EXT1: variants seen among roughly 807,000 people sequenced by gnomAD.
EXT1 encodes the protein exostosin glycosyltransferase 1.
In EXT1, 20 loss-of-function variants were observed where a neutral mutation model predicts 82.5. The observed-to-expected ratio is 0.24, with a 90% CI of 0.17 to 0.35. The LOEUF (loss-of-function observed/expected upper bound fraction) is 0.35, where lower values mean the gene tolerates loss of function less well. Ranked by LOEUF, EXT1 falls within the 10% of genes least tolerant of loss-of-function variation. The pLI, the probability that EXT1 is intolerant of heterozygous loss-of-function variation, is 1.00. For missense variants in EXT1, 757 were observed against 936.5 expected (o/e 0.81, Z 2.50); for synonymous variants, 348 against 350.8 (o/e 0.99, Z 0.09).
In EXT1 at chr8:117,837,216, G is replaced by C; in HGVS notation, c.963-15C>G. ...GATAATCATACCTAGAAAGAGAAGA[G>C]GAGTAAACAGCAAATGAAGACTCAT... On this transcript the variant is annotated splice_polypyrimidine_tract_variant and intron_variant, in intron 1 of 10. Transcript: ENST00000378204. 1 of 1,597,188 alleles carries C rather than the reference G, an allele frequency of 6.3e-7. No homozygotes were observed. The highest frequency in any genetic ancestry group is 8.6e-7 in the Non-Finnish European group (1 of 1,164,764).
chr8:117,943,512 C>T (rs1814327721), intron 1 of EXT1, among the ~76,000 whole-genome samples: 1 of 152,178 alleles, frequency 6.6e-6, no homozygotes. Flanking sequence ...AGAATGGAAA[C>T]TGCCTAGAGT....
intron 1 of EXT1, among the ~76,000 whole-genome samples, chr8:117,968,690 C>T (rs1445659941): frequency 3.9e-5 from 4 of 102,570 alleles, no homozygotes; most frequent in East Asian, 2.3e-4. Flanking sequence ...CTGCCTCAGC[C>T]TCCCGAGTAG....
intron 3 of EXT1, among the ~76,000 whole-genome samples, chr8:117,834,990 G>A (rs766909766): frequency 9.2e-5 from 14 of 152,138 alleles, no homozygotes; most frequent in East Asian, 7.7e-4. Context: ...GATAACACTC[G>A]CTCAGACACC....
In EXT1 at chr8:118,102,967, C is replaced by G. The variant is rs144496450; in HGVS notation, c.962+7118G>C. On this transcript the variant is annotated intron_variant, in intron 1 of 10. Coordinates refer to ENST00000378204, the MANE Select transcript of EXT1 (RefSeq NM_000127.3). ...GTCGGGAGTTCGAGACCAGCCTGAC[C>G]ACATGGAGAAACCCCGTCTCTACTA... Among the ~76,000 whole-genome samples, 559 of 152,120 alleles carry G rather than the reference C, an allele frequency of 3.7e-3. 2 individuals carry two copies. Among genetic ancestry groups the G allele is most frequent in the African/African-American group, 0.013 (535 of 41,514 alleles).
chr8:117,970,010 C>T (rs1184617083), intron 1 of EXT1, among the ~76,000 whole-genome samples: 7 of 152,128 alleles, frequency 4.6e-5, no homozygotes, highest in East Asian at 1.9e-4. Flanking sequence ...CACAAAAAAG[C>T]CATGAGAATT....
At chr8:117,928,788 A>G (rs1360416981) in intron 1 of EXT1, among the ~76,000 whole-genome samples, 1 of 152,072 alleles carries the variant, frequency 6.6e-6, no homozygotes, top group Non-Finnish European at 1.5e-5. Context: ...AGATGAAACC[A>G]CTACACTACA....
rs566975537 is a variant in EXT1, at chr8:118,105,160, G to C, written c.962+4925C>G. On this transcript the variant is annotated intron_variant, in intron 1 of 10. Transcript: ENST00000378204. ...CCAGGCCCTACCAAGCACAACTTCT[G>C]CTGTGACATTGGCATATTAAAGGTC... is the stretch of plus-strand genomic sequence containing the variant. Among the ~76,000 whole-genome samples the C allele has an allele frequency of 9.2e-5, 14 of 152,290 alleles. No homozygotes were observed. In the South Asian group the frequency reaches 2.3e-3, roughly 25 times the overall value.
chr8:117,840,638 A>C (rs551311536), intron 1 of EXT1, among the ~76,000 whole-genome samples: 16 of 152,014 alleles, frequency 1.1e-4, no homozygotes, highest in African/African-American at 3.9e-4. Flanking sequence ...AAAAAGAAAG[A>C]GAGAACGTAT....
intron 1 of EXT1, among the ~76,000 whole-genome samples, chr8:117,889,467 T>C (rs1813204772): frequency 1.3e-5 from 2 of 152,184 alleles, no homozygotes; most frequent in South Asian, 4.1e-4. Context: ...AGACCATATT[T>C]TCCTTAAAAA....
chr8:118,105,498 C>T (rs954895418), intron 1 of EXT1, among the ~76,000 whole-genome samples: 36 of 152,158 alleles, frequency 2.4e-4, no homozygotes, highest in African/African-American at 8.0e-4. Flanking sequence ...AACACCCCAA[C>T]ATTTACTCAG....
intron 1 of EXT1, among the ~76,000 whole-genome samples, chr8:117,873,864 G>A (rs2129901088): frequency 6.6e-6 from 1 of 152,316 alleles, no homozygotes; most frequent in Non-Finnish European, 1.5e-5. Flanking sequence ...ACTCAAAATA[G>A]ATTTATTTGG....
chr8:117,974,409 T>G (rs140011665), intron 1 of EXT1, among the ~76,000 whole-genome samples: 125 of 152,300 alleles, frequency 8.2e-4, no homozygotes, highest in Non-Finnish European at 1.4e-3. Context: ...GCTCCATGGC[T>G]TCACAAAGCT....
chr8:118,017,907 G>T (rs1816030485), intron 1 of EXT1, among the ~76,000 whole-genome samples: 1 of 152,140 alleles, frequency 6.6e-6, no homozygotes, highest in Non-Finnish European at 1.5e-5. Context: ...GCAACAAAAG[G>T]AATGAGCTCT....
chr8:117,974,261 C>A (rs1811944936), intron 1 of EXT1, among the ~76,000 whole-genome samples: 1 of 152,160 alleles, frequency 6.6e-6, no homozygotes, highest in Non-Finnish European at 1.5e-5. Context: ...GAGATCAATT[C>A]AAAATATACA....
intron 10 of EXT1, among the ~76,000 whole-genome samples, chr8:117,800,390 T>C (rs751147211): frequency 2.0e-5 from 3 of 152,326 alleles, no homozygotes; most frequent in South Asian, 4.1e-4. Context: ...CTCTTTACCT[T>C]TATAAGGGTC....
At chr8:117,905,115 C>G (rs909759060) in intron 1 of EXT1, among the ~76,000 whole-genome samples, 1 of 152,192 alleles carries the variant, frequency 6.6e-6, no homozygotes, top group South Asian at 2.1e-4. Context: ...TCAAAAAGAC[C>G]TATAAATATA....
At chr8:117,816,659 T>C (rs142459060) in intron 7 of EXT1, among the ~76,000 whole-genome samples, 3,366 of 152,272 alleles carry the variant, frequency 0.022, 41 homozygotes, top group Non-Finnish European at 0.031. Context: ...AAAGGTACTA[T>C]TATTATCACC....
At chr8:118,073,352 G>A (rs971808359) in intron 1 of EXT1, among the ~76,000 whole-genome samples, 5 of 152,204 alleles carry the variant, frequency 3.3e-5, no homozygotes, top group African/African-American at 7.2e-5. Flanking sequence ...AGGGTGCAGT[G>A]GCTCACCCCT....
chr8:117,863,278 T>C lies in EXT1; in HGVS notation c.963-26077A>G, dbSNP rs984089007. Among the ~76,000 whole-genome samples, 2 of 148,636 alleles carry C rather than the reference T, an allele frequency of 1.3e-5. 1 individual carries two copies. Among genetic ancestry groups the C allele is most frequent in the Admixed American group, 1.4e-4 (2 of 14,772 alleles). On this transcript the variant is annotated intron_variant, in intron 1 of 10. Transcript: ENST00000378204. ...GACTTGCCCCCAGACACACAGCTAC[T>C]ATGCACTAGAACCCAGACTGGAACG...
Sources: gnomAD v4.1 joint callset for allele counts (sites outside exome capture counted in the v4.1 genomes callset) on GRCh38, gnomAD v4.1.1 for gene constraint, MANE v1.5 for transcripts, NCBI Gene and HGNC (gene_info 2026-07-23, HGNC 2026-07-21) for gene names.